The following CFAP299 variants were observed in gnomAD, a reference collection of about 807,000 sequenced individuals.
CFAP299 encodes cilia- and flagella-associated protein 299.
Under a neutral mutation model 27.0 loss-of-function variants are expected in CFAP299, and 21 were observed. The ratio of observed to expected loss-of-function variants is 0.78; its 90% confidence interval spans 0.55 to 1.12. The LOEUF (loss-of-function observed/expected upper bound fraction) is 1.12. Ranked by LOEUF, CFAP299 falls within the 50% of genes most tolerant of loss-of-function variation. The pLI is 0.00. For synonymous variants in CFAP299, 104 were observed against 98.1 expected, an observed-to-expected ratio of 1.06 and a Z score of -0.36; for missense variants, 310 against 276.6, an observed-to-expected ratio of 1.12 and a Z score of -0.86.
chr4:80,759,455 G>A (rs905595315), intron 3 of CFAP299, among the ~76,000 whole-genome samples: 4 of 152,122 alleles, frequency 2.6e-5, no homozygotes, highest in Non-Finnish European at 4.4e-5. Context: ...TGAGTGGCGG[G>A]CAACTGTCAT....
At chr4:80,853,522 G>A (rs1421382795) in intron 3 of CFAP299, among the ~76,000 whole-genome samples, 1 of 152,178 alleles carries the variant, frequency 6.6e-6, no homozygotes, top group African/African-American at 2.4e-5. Flanking sequence ...GAGAGACCAA[G>A]ATTTTTAGAT....
chr4:80,652,420 G>A (rs1740347221), intron 3 of CFAP299, among the ~76,000 whole-genome samples: 3 of 152,116 alleles, frequency 2.0e-5, no homozygotes, highest in South Asian at 2.1e-4. Flanking sequence ...CTGGGAAAGA[G>A]AGAAGCGGGT....
intron 3 of CFAP299, among the ~76,000 whole-genome samples, chr4:80,634,688 A>C (rs569269851): frequency 6.6e-6 from 1 of 152,320 alleles, no homozygotes; most frequent in African/African-American, 2.4e-5. Flanking sequence ...TTGATGGGCT[A>C]TTATAATTGG....
At chr4:80,518,904 G>A (rs1412244226) in intron 2 of CFAP299, among the ~76,000 whole-genome samples, 1 of 152,112 alleles carries the variant, frequency 6.6e-6, no homozygotes, top group Admixed American at 6.6e-5. Flanking sequence ...GCAGAAGGAA[G>A]TACAAACACT....
At chr4:80,689,167 A>G (rs1428113705) in intron 3 of CFAP299, among the ~76,000 whole-genome samples, 1 of 152,162 alleles carries the variant, frequency 6.6e-6, no homozygotes, top group Admixed American at 6.5e-5. Context: ...GCAGGCCAAC[A>G]TTCAGATTCA....
chr4:80,954,957 G>A (rs1344049947), intron 5 of CFAP299, among the ~76,000 whole-genome samples: 19 of 117,322 alleles, frequency 1.6e-4, no homozygotes, highest in South Asian at 5.9e-4. Context: ...CCAAGATTGC[G>A]CCACTGCACT....
chr4:80,947,404 A>G (rs1372095791), intron 5 of CFAP299, among the ~76,000 whole-genome samples: 1 of 152,196 alleles, frequency 6.6e-6, no homozygotes, highest in African/African-American at 2.4e-5. Flanking sequence ...ATTAGTAAAC[A>G]GAGTCCTAGG....
chr4:80,385,987 AG>A (rs1232068890), intron 2 of CFAP299, among the ~76,000 whole-genome samples: 2 of 152,206 alleles, frequency 1.3e-5, no homozygotes, highest in East Asian at 3.9e-4. Context: ...AGAATGTTGC[AG>A]GGCTTTCCAG....
chr4:80,598,569 G>A (rs1210452745), intron 3 of CFAP299, among the ~76,000 whole-genome samples: 1 of 152,138 alleles, frequency 6.6e-6, no homozygotes, highest in East Asian at 1.9e-4. Flanking sequence ...ATTTGTTCAA[G>A]CCTATCAGGG....
chr4:80,329,875 T>C, the CFAP299 span, among the ~76,000 whole-genome samples: 1 of 152,166 alleles, frequency 6.6e-6, no homozygotes, highest in African/African-American at 2.4e-5. Flanking sequence ...AAGAGCTAAA[T>C]ATATTTCTCA....
intron 3 of CFAP299, among the ~76,000 whole-genome samples, chr4:80,620,834 C>G (rs766302393): frequency 8.5e-5 from 13 of 152,048 alleles, no homozygotes; most frequent in Non-Finnish European, 1.2e-4. Flanking sequence ...AATTTAACCT[C>G]TATAAGACTG....
intron 3 of CFAP299, among the ~76,000 whole-genome samples, chr4:80,762,859 G>C (rs960925270): frequency 1.3e-5 from 2 of 152,182 alleles, no homozygotes; most frequent in African/African-American, 4.8e-5. Flanking sequence ...GACAGCTATA[G>C]ATCCCATACC....
At chr4:80,544,656 G>A (rs962312491) in intron 2 of CFAP299, among the ~76,000 whole-genome samples, 2 of 152,134 alleles carry the variant, frequency 1.3e-5, no homozygotes, top group African/African-American at 4.8e-5. Flanking sequence ...AATCCAACAG[G>A]AAGATGTAAC....
the CFAP299 span, among the ~76,000 whole-genome samples, chr4:80,326,447 T>G: frequency 6.6e-6 from 1 of 152,330 alleles, no homozygotes; most frequent in East Asian, 1.9e-4. Context: ...CTTGAGACTT[T>G]ATGTTCTTTA....
chr4:80,616,978 A>G (rs1390454351), intron 3 of CFAP299, among the ~76,000 whole-genome samples: 1 of 152,142 alleles, frequency 6.6e-6, no homozygotes, highest in East Asian at 1.9e-4. Flanking sequence ...TTGAGAAGTT[A>G]TCTATCTCTA....
intron 3 of CFAP299, among the ~76,000 whole-genome samples, chr4:80,685,391 C>A (rs1034042764): frequency 2.0e-5 from 3 of 152,056 alleles, no homozygotes; most frequent in Non-Finnish European, 2.9e-5. Context: ...TGACCCTGTG[C>A]TTGGGAACTG....
At chr4:80,839,529 C>T in intron 3 of CFAP299, among the ~76,000 whole-genome samples, 1 of 152,066 alleles carries the variant, frequency 6.6e-6, no homozygotes, top group Non-Finnish European at 1.5e-5. Context: ...TGAGGCAGGC[C>T]ATGTCATCTC....
intron 3 of CFAP299, among the ~76,000 whole-genome samples, chr4:80,784,199 A>G (rs952514490): frequency 1.3e-5 from 2 of 151,594 alleles, no homozygotes; most frequent in African/African-American, 2.4e-5. Context: ...TGGTGTAGAT[A>G]TACTCCTTTA....
rs542862404 is a variant in CFAP299 at position 80,526,834 on chromosome 4, A to G, written c.243-56259A>G. The stretch of plus-strand genomic sequence containing the variant: ...ATCCTGTTCTAACGTTATACACATC[A>G]TAAGAGCCTAATATCTATTTCTTGA... On this transcript the variant is annotated intron_variant, in intron 2 of 5. Transcript: ENST00000358105. Among the ~76,000 whole-genome samples, 13 of 152,310 alleles carry G rather than the reference A, an allele frequency of 8.5e-5. No homozygotes were observed. In the South Asian group the frequency reaches 2.5e-3, roughly 29 times the overall value.
Sources: allele counts gnomAD v4.1 joint callset (sites outside exome capture counted in the v4.1 genomes callset), GRCh38; gene constraint gnomAD v4.1.1; transcripts MANE v1.5; gene names NCBI Gene and HGNC (gene_info 2026-07-23, HGNC 2026-07-21).